The following RCC2 variants were observed in gnomAD, a reference collection of about 807,000 sequenced individuals.
RCC2 encodes regulator of chromosome condensation 2.
A neutral mutation model predicts 64.1 loss-of-function variants in RCC2; 19 were observed. The ratio of observed to expected loss-of-function variants is 0.30; its 90% confidence interval spans 0.21 to 0.44. The LOEUF is 0.44. RCC2 is among the 20% of genes least tolerant of loss of function. The pLI is 1.00. For synonymous variants in RCC2, 325 were observed against 279.6 expected (o/e 1.16, Z -1.62); for missense variants, 508 against 710.4 (o/e 0.72, Z 3.24).
In RCC2 at chr1:17,429,198, T is replaced by G; in HGVS notation, c.287A>C (p.Lys96Thr). Residue 96 changes from lysine (K) to threonine (T), a missense_variant and splice_region_variant, in exon 3 of 13, where the codon AAA becomes ACA. Physicochemically the swap from Lys to Thr is moderately conservative, Grantham distance 78 (BLOSUM62 -1). This residue lies in a region of RCC2 where 195 missense variants were observed against 158.3 expected (regional missense o/e 1.23). Coordinates refer to ENST00000375436, the MANE Select transcript of RCC2 (RefSeq NM_018715.4). ...TEPEHTKERV[K>T]LEGSKCKGQL... ...CCCTTTGCACTTTGACCCTTCAAGTTTCTGCAGAGACAGAGAAAGGAAAAA... is the reference window on the plus strand; with the variant it reads ...CCCTTTGCACTTTGACCCTTCAAGTGTCTGCAGAGACAGAGAAAGGAAAAA... The G allele has an allele frequency of 6.2e-7, 1 of 1,613,738 alleles. No individual in the cohort carries two copies. Among genetic ancestry groups the G allele is most frequent in the Non-Finnish European group, 8.5e-7 (1 of 1,179,626 alleles).
chr1:17,438,633 A>C, intron 1 of RCC2, 111 bp from the exon 2 acceptor site: 1 of 1,108,572 alleles, frequency 9.0e-7, no homozygotes, highest in Non-Finnish European at 1.1e-6. Context: ...GCCCTCCCCA[A>C]AGTGGCGGCC....
intron 7 of RCC2, among the ~76,000 whole-genome samples, chr1:17,416,885 C>A (rs2075492309): frequency 6.6e-6 from 1 of 152,174 alleles, no homozygotes; most frequent in Admixed American, 6.5e-5. Context: ...ACGAATAGAA[C>A]AGAATGACAA....
intron 2 of RCC2, among the ~76,000 whole-genome samples, chr1:17,431,359 A>AAATATATATATATAT (rs1553158471): frequency 4.5e-5 from 2 of 44,932 alleles, no homozygotes; most frequent in African/African-American, 2.1e-4. Context: ...AAAAAAAAAA[A>AAATATATATATATAT]ATATATATAT....
intron 11 of RCC2, among the ~76,000 whole-genome samples, chr1:17,410,258 A>G (rs1412671634): frequency 1.3e-5 from 2 of 152,218 alleles, no homozygotes; most frequent in Non-Finnish European, 2.9e-5. Context: ...GCAGGCGACT[A>G]GCGCTTAACC....
chr1:17,414,110 G>A (rs2075455542), intron 8 of RCC2, among the ~76,000 whole-genome samples: 1 of 152,152 alleles, frequency 6.6e-6, no homozygotes, highest in East Asian at 1.9e-4. Context: ...TCTCTGCCAG[G>A]GACTCCATTT....
chr1:17,430,951 C>CA (rs2075669139), intron 2 of RCC2, among the ~76,000 whole-genome samples: 1 of 151,912 alleles, frequency 6.6e-6, no homozygotes, highest in African/African-American at 2.4e-5. Flanking sequence ...TTCCTGACCG[C>CA]AGGTGATCCA....
chr1:17,428,228 G>A (rs1306168027), intron 3 of RCC2, among the ~76,000 whole-genome samples: 1 of 152,226 alleles, frequency 6.6e-6, no homozygotes, highest in Non-Finnish European at 1.5e-5. Context: ...ATCAGCACCT[G>A]GGCTTACGTT....
At position 17,428,315 on chromosome 1, in the gene RCC2, C is replaced by T. The variant is rs554440381; in HGVS notation, c.379+791G>A. 7.7e-4 allele frequency among the ~76,000 whole-genome samples: 118 copies of T among 152,384 alleles called. 1 individual carries two copies. The highest frequency in any genetic ancestry group is 2.7e-3 in the African/African-American group (114 of 41,598). ...GCCCCCTCTGGCTTGGGCCTGAAGG[C>T]TGGGCATTTTCCAAACAACGCGCTG... On this transcript the variant is annotated intron_variant, in intron 3 of 12. Transcript: ENST00000375436.
intron 3 of RCC2, among the ~76,000 whole-genome samples, chr1:17,426,833 G>T (rs571563499): frequency 1.4e-5 from 2 of 146,088 alleles, no homozygotes; most frequent in African/African-American, 5.1e-5. Flanking sequence ...CACAATCTCG[G>T]TTCACTGCAA....
At chr1:17,422,419 A>G in intron 5 of RCC2, 128 bp from the exon 6 acceptor site, 1 of 866,068 alleles carries the variant, frequency 1.2e-6, no homozygotes, top group Middle Eastern at 3.5e-4. Context: ...GAGACTGCCC[A>G]AAAGCTGGCA....
intron 3 of RCC2, among the ~76,000 whole-genome samples, chr1:17,427,795 AG>A (rs949111709): frequency 6.6e-6 from 1 of 151,580 alleles, no homozygotes; most frequent in African/African-American, 2.4e-5. Context: ...CGGCCTCCCA[AG>A]GAAGGGCTGG....
At chr1:17,431,359 A>AAAAAAT (rs1553158471) in intron 2 of RCC2, among the ~76,000 whole-genome samples, 1 of 44,936 alleles carries the variant, frequency 2.2e-5, no homozygotes, top group Non-Finnish European at 3.8e-5. Flanking sequence ...AAAAAAAAAA[A>AAAAAAT]ATATATATAT....
intron 1 of RCC2, among the ~76,000 whole-genome samples, 176 bp downstream of exon 1, chr1:17,439,367 ATC>A (rs1284862736): frequency 3.6e-5 from 5 of 137,662 alleles, no homozygotes; most frequent in Admixed American, 1.5e-4. Flanking sequence ...GAACAATGGG[ATC>A]TCTGTCTGTC....
At chr1:17,423,787 G>A (rs536804711) in intron 4 of RCC2, among the ~76,000 whole-genome samples, 22 of 152,360 alleles carry the variant, frequency 1.4e-4, no homozygotes, top group African/African-American at 5.3e-4. Context: ...CAATTCTAGG[G>A]GGTTTTGCAA....
intron 7 of RCC2, among the ~76,000 whole-genome samples, chr1:17,417,095 A>C (rs2075495275): frequency 6.6e-6 from 1 of 152,208 alleles, no homozygotes; most frequent in African/African-American, 2.4e-5. Flanking sequence ...CTAAAAGACC[A>C]AGAATAGACA....
rs2100344938 is a variant in RCC2, at chr1:17,407,721, A to C, written c.*1369T>G. The C allele has an allele frequency of 1.3e-5, 2 of 152,720 alleles. No homozygotes were observed. Among genetic ancestry groups the C allele is most frequent in the Middle Eastern group, 6.8e-3 (2 of 294 alleles). The allele number at this position is 152,720 out of a possible 1,614,324, so 9.5% of individuals were successfully genotyped here. A position where few individuals can be genotyped will look rare whatever the true frequency, so the allele number is the denominator to read the frequency against. On this transcript the variant is annotated 3_prime_UTR_variant, in exon 13 of 13. Transcript: ENST00000375436. ...GGTAACAAAGCAAAAGAAAAAAAAA[A>C]CTTGAAGAGACCAATATTTAACTTT... is the stretch of plus-strand genomic sequence containing the variant.
intron 1 of RCC2, 148 bp from the exon 2 acceptor site, chr1:17,438,670 T>A: frequency 1.3e-6 from 1 of 763,224 alleles, no homozygotes; most frequent in Non-Finnish European, 1.8e-6. Flanking sequence ...GGGGGCGAGT[T>A]GGGAGAGGAA....
intron 2 of RCC2, among the ~76,000 whole-genome samples, chr1:17,431,361 T>A (rs9435696): frequency 0.061 from 1,609 of 26,578 alleles, 118 homozygotes; most frequent in Middle Eastern, 0.16. Flanking sequence ...AAAAAAAAAA[T>A]ATATATATAT....
At chr1:17,431,218 C>T (rs956040769) in intron 2 of RCC2, among the ~76,000 whole-genome samples, 5 of 147,960 alleles carry the variant, frequency 3.4e-5, no homozygotes, top group African/African-American at 1.2e-4. Context: ...CCTGTAGTCC[C>T]AGCTACTCGG....
Sources: gnomAD v4.1 joint callset for allele counts (sites outside exome capture counted in the v4.1 genomes callset) on GRCh38, gnomAD v4.1.1 for gene constraint, gnomAD v4.1.1 regional missense constraint, MANE v1.5 for transcripts, NCBI Gene and HGNC (gene_info 2026-07-23, HGNC 2026-07-21) for gene names.